The following SCAF11 variants were observed in gnomAD, a reference collection of about 807,000 sequenced individuals.
SCAF11 encodes SR-related CTD associated factor 11.
SCAF11 carries 47 observed loss-of-function variants against 140.5 expected under a neutral mutation model. The ratio of observed to expected loss-of-function variants is 0.33; its 90% CI spans 0.26 to 0.43. SCAF11 has a LOEUF of 0.43. SCAF11 is among the 20% of genes least tolerant of loss of function. SCAF11 has a pLI of 1.00. For missense variants in SCAF11, 1,645 were observed against 1,705.1 expected (o/e 0.96, Z 0.62); for synonymous variants, 557 against 579.4 (o/e 0.96, Z 0.55).
At chr12:45,925,115 A>G (rs1399620484) in intron 11 of SCAF11, 41 bp from the exon 12 acceptor site, 3 of 1,497,532 alleles carry the variant, frequency 2.0e-6, no homozygotes, top group African/African-American at 2.8e-5. Flanking sequence ...ATCATGTTAT[A>G]AATCTCTTTA....
intron 1 of SCAF11, among the ~76,000 whole-genome samples, chr12:45,977,501 T>C (rs756207657): frequency 6.6e-6 from 1 of 152,096 alleles, no homozygotes; most frequent in African/African-American, 2.4e-5. Context: ...GTAGTGGTAA[T>C]ACAGATCTAT....
At chr12:45,957,861 C>T (rs570227355) in intron 3 of SCAF11, among the ~76,000 whole-genome samples, 1 of 152,188 alleles carries the variant, frequency 6.6e-6, no homozygotes, top group Non-Finnish European at 1.5e-5. Context: ...TTTTTAATCA[C>T]TTCTCGGCAA....
Position 45,928,718 on chromosome 12 carries a change from C to T in SCAF11, c.983G>A (p.Arg328Lys), listed in dbSNP as rs533927714. Reference protein sequence around the residue: ...TPTRRSTRNTRAETASQSQRS... With the variant: ...TPTRRSTRNTKAETASQSQRS... ...CTGAGACTGACTGGCTGTTTCAGCTCTTGTGTTACGTGTAGACCTCCTTGT... is the reference window on the plus strand; with the variant it reads ...CTGAGACTGACTGGCTGTTTCAGCTTTTGTGTTACGTGTAGACCTCCTTGT... The change falls in exon 11 of 15, where the codon AGA becomes AAA. Residue 328 changes from arginine to lysine, a missense_variant. Arg to Lys is a conservative substitution (Grantham distance 26, BLOSUM62 2). Around this residue, in one of 2 missense-constraint regions of SCAF11, gnomAD observed 1,582 missense variants for 1,609.2 expected, o/e 0.98. Coordinates refer to ENST00000369367, the MANE Select transcript of SCAF11 (RefSeq NM_004719.3). 5.8e-5 allele frequency: 94 copies of T among 1,613,872 alleles called. No individual in the cohort carries two copies. Among genetic ancestry groups the T allele is most frequent in the Non-Finnish European group, 8.0e-5 (94 of 1,179,986 alleles).
chr12:45,928,245 C>T lies in SCAF11; in HGVS notation c.1456G>A (p.Val486Ile). 1 of 1,614,036 alleles carries T rather than the reference C, an allele frequency of 6.2e-7. No individual in the cohort carries two copies. The highest frequency in any genetic ancestry group is 8.5e-7 in the Non-Finnish European group (1 of 1,180,000). The change falls in exon 11 of 15, where the codon GTT becomes ATT. Residue 486 changes from valine (V) to isoleucine (I), a missense_variant. By Grantham distance (29) the Val-to-Ile change is conservative. Around this residue, in one of 2 missense-constraint regions of SCAF11, gnomAD observed 1,582 missense variants for 1,609.2 expected, o/e 0.98. Transcript: ENST00000369367. ...ESCAQDLPVLVGEEGEVKKLE... is the reference protein window; with the variant it reads ...ESCAQDLPVLIGEEGEVKKLE... ...TTTTTAACTTCCCCTTCCTCACCAA[C>T]TAGCACAGGAAGATCTTGAGCACAA... is the stretch of plus-strand genomic sequence containing the variant.
chr12:45,940,253 TCA>T (rs1360581684), intron 6 of SCAF11, among the ~76,000 whole-genome samples: 4 of 152,196 alleles, frequency 2.6e-5, no homozygotes, highest in South Asian at 2.1e-4. Context: ...GAAAAAAAAA[TCA>T]CAGTTAACTG....
intron 2 of SCAF11, among the ~76,000 whole-genome samples, chr12:45,962,084 A>G (rs1354333369): frequency 6.6e-6 from 1 of 152,216 alleles, no homozygotes; most frequent in Non-Finnish European, 1.5e-5. Context: ...AATTAAATTT[A>G]AAGTGAGTAA....
In SCAF11 at chr12:45,972,677, T is replaced by C. The variant is rs908738063; in HGVS notation, c.-21-8489A>G. Among the ~76,000 whole-genome samples the C allele has an allele frequency of 1.4e-3, 206 of 143,014 alleles. 1 individual carries two copies. The highest frequency in any genetic ancestry group is 5.3e-3 in the African/African-American group (203 of 38,538). 93.8% of individuals were successfully genotyped at this position (143,014 alleles called of 152,430 possible). ...AAACAAAAGACAAAGTTTTGTAACA[T>C]AATATTCAAAATGTACAGAACACAA... On this transcript the variant is annotated intron_variant, in intron 1 of 14. Transcript: ENST00000369367.
At position 45,928,451 on chromosome 12, in the gene SCAF11, G is replaced by C. The variant is rs2136511826; in HGVS notation, c.1250C>G (p.Pro417Arg). ...DEETAESDTS[P>R]VLEKEHQPDV... ...TGGTTGGTGCTCTTTTTCTAACACA[G>C]GTGATGTGTCAGATTCTGCTGTTTC... is the stretch of plus-strand genomic sequence containing the variant. Residue 417 changes from proline (P) to arginine (R), a missense_variant, in exon 11 of 15, where the codon CCT (proline) becomes CGT (arginine). Transcript: ENST00000369367. The C allele has an allele frequency of 6.2e-7, 1 of 1,612,698 alleles. No homozygotes were observed. Among genetic ancestry groups the C allele is most frequent in the African/African-American group, 1.3e-5 (1 of 74,972 alleles).
intron 1 of SCAF11, among the ~76,000 whole-genome samples, chr12:45,987,519 GTTAGA>G (rs1946484858): frequency 6.6e-6 from 1 of 152,194 alleles, no homozygotes; most frequent in Non-Finnish European, 1.5e-5. Flanking sequence ...ATAAACCTAA[GTTAGA>G]TTACACAATA....
chr12:45,924,322 C>G (rs1944791384), intron 12 of SCAF11, among the ~76,000 whole-genome samples: 2 of 152,116 alleles, frequency 1.3e-5, no homozygotes, highest in Non-Finnish European at 2.9e-5. Flanking sequence ...TTTGTCTGAA[C>G]AAGACAATAA....
chr12:45,939,875 G>A (rs1258223491), intron 6 of SCAF11, among the ~76,000 whole-genome samples: 2 of 152,216 alleles, frequency 1.3e-5, no homozygotes, highest in Non-Finnish European at 2.9e-5. Context: ...CATGGTTTCT[G>A]TTCAGTGTAA....
intron 1 of SCAF11, among the ~76,000 whole-genome samples, chr12:45,986,026 C>A (rs1035214927): frequency 6.6e-6 from 1 of 152,206 alleles, no homozygotes; most frequent in Non-Finnish European, 1.5e-5. Context: ...TCTCTGGGAG[C>A]TCACATTCTT....
chr12:45,926,107 A>G (rs765238099), intron 11 of SCAF11, 35 bp downstream of exon 11: 27 of 1,527,174 alleles, frequency 1.8e-5, no homozygotes, highest in Non-Finnish European at 2.4e-5. Context: ...TTCTTCAAAT[A>G]AAACAGTATC....
chr12:45,937,031 T>G (rs1945187698), intron 6 of SCAF11, among the ~76,000 whole-genome samples: 1 of 152,220 alleles, frequency 6.6e-6, no homozygotes. Context: ...TAGAACTTTA[T>G]GAAGTATTTG....
In SCAF11 at chr12:45,934,435, G is replaced by C; in HGVS notation, c.522+12C>G. On this transcript the variant is annotated intron_variant, in intron 7 of 14. Transcript: ENST00000369367. ...TCATCTAAGAAAAAGATTTTTCTTG[G>C]TTTCAACAAACCTTATTTATCTTTA... 1 of 1,578,768 alleles carries C rather than the reference G, an allele frequency of 6.3e-7. No homozygotes were observed. Among genetic ancestry groups the C allele is most frequent in the East Asian group, 2.3e-5 (1 of 44,372 alleles).
chr12:45,944,465 T>C (rs1271801629), intron 6 of SCAF11, among the ~76,000 whole-genome samples: 1 of 152,154 alleles, frequency 6.6e-6, no homozygotes, highest in Admixed American at 6.5e-5. Flanking sequence ...AAAAATGAAG[T>C]TATTCACTTT....
chr12:45,978,267 C>A (rs1946278442), intron 1 of SCAF11, among the ~76,000 whole-genome samples: 1 of 152,088 alleles, frequency 6.6e-6, no homozygotes, highest in Non-Finnish European at 1.5e-5. Context: ...GGACAGAACA[C>A]AAAGAGTTGG....
At chr12:45,958,117 C>A (rs1945741758) in intron 3 of SCAF11, among the ~76,000 whole-genome samples, 3 of 151,720 alleles carry the variant, frequency 2.0e-5, no homozygotes, top group Admixed American at 6.6e-5. Flanking sequence ...GTTGCCCAGG[C>A]TGGTCTTAAA....
chr12:45,977,281 C>T (rs1946256646), intron 1 of SCAF11, among the ~76,000 whole-genome samples: 3 of 152,080 alleles, frequency 2.0e-5, no homozygotes, highest in South Asian at 2.1e-4. Context: ...AAGGAATGAA[C>T]TAGCATTTCA....
Sources: gnomAD v4.1 joint callset for allele counts (sites outside exome capture counted in the v4.1 genomes callset) on GRCh38, gnomAD v4.1.1 for gene constraint, gnomAD v4.1.1 regional missense constraint, MANE v1.5 for transcripts, NCBI Gene and HGNC (gene_info 2026-07-23, HGNC 2026-07-21) for gene names.